The following ZMAT4 variants were observed in gnomAD, a reference collection of about 807,000 sequenced individuals.
ZMAT4 encodes zinc finger matrin-type 4.
Under a neutral mutation model 28.7 loss-of-function variants are expected in ZMAT4, and 17 were observed. The ratio of observed to expected loss-of-function variants is 0.59; its 90% CI spans 0.41 to 0.89. ZMAT4 has a LOEUF of 0.89. ZMAT4 is among the 40% of genes least tolerant of loss of function. ZMAT4 has a pLI of 0.00. For missense variants in ZMAT4, 240 were observed against 283.8 expected (o/e 0.85, Z 1.11); for synonymous variants, 117 against 109.2 (o/e 1.07, Z -0.44).
chr8:40,843,284 A>T (rs1816764219), intron 1 of ZMAT4, among the ~76,000 whole-genome samples: 1 of 152,148 alleles, frequency 6.6e-6, no homozygotes, highest in Admixed American at 6.6e-5. Context: ...TCATTTGGGC[A>T]ACCTCTCCAG....
chr8:40,713,251 G>C (rs1201668051), intron 3 of ZMAT4, among the ~76,000 whole-genome samples: 1 of 151,896 alleles, frequency 6.6e-6, no homozygotes, highest in East Asian at 1.9e-4. Flanking sequence ...AACAATTTGG[G>C]GAAAATAATG....
At chr8:40,598,589 A>G (rs1378107112) in intron 5 of ZMAT4, among the ~76,000 whole-genome samples, 5 of 152,168 alleles carry the variant, frequency 3.3e-5, no homozygotes, top group Non-Finnish European at 7.3e-5. Context: ...TATGTGTGCC[A>G]TATTTTCTTT....
chr8:40,714,085 T>G (rs1810747124), intron 3 of ZMAT4, among the ~76,000 whole-genome samples: 1 of 152,188 alleles, frequency 6.6e-6, no homozygotes, highest in Non-Finnish European at 1.5e-5. Context: ...TTGGAATATT[T>G]TTGAAAAATA....
chr8:40,603,918 T>C (rs1805490418), intron 5 of ZMAT4, among the ~76,000 whole-genome samples: 2 of 152,222 alleles, frequency 1.3e-5, no homozygotes, highest in Non-Finnish European at 2.9e-5. Context: ...GTTTTCCTTG[T>C]AGATGTCTTT....
At position 40,606,522 on chromosome 8, in the gene ZMAT4, A is replaced by G. The variant is rs1365784151; in HGVS notation, c.578-25261T>C. On this transcript the variant is annotated intron_variant, in intron 5 of 6. Coordinates refer to ENST00000297737, the MANE Select transcript of ZMAT4 (RefSeq NM_024645.3). ...AGATAGGACCCCAGTGCCTTCTGGC[A>G]TGCAGGGTTTCTGCTGAAAAATCTG... Among the ~76,000 whole-genome samples, 3 of 152,374 alleles carry G rather than the reference A, an allele frequency of 2.0e-5. No homozygotes were observed. The East Asian group carries it at 5.8e-4, about 29-fold the overall frequency.
intron 1 of ZMAT4, among the ~76,000 whole-genome samples, chr8:40,835,200 C>G (rs1816431879): frequency 6.6e-6 from 1 of 152,020 alleles, no homozygotes; most frequent in African/African-American, 2.4e-5. Context: ...AAAAACAGAG[C>G]CCATATCATG....
In ZMAT4 at chr8:40,678,154, A is replaced by T. The variant is rs1305284049; in HGVS notation, c.350-3223T>A. On this transcript the variant is annotated intron_variant, in intron 4 of 6. Transcript: ENST00000297737. ...TAACTATAAAATGAAGCTTTCTTAG[A>T]TCTTCACATAAAAGAAAGAAGCATA... Among the ~76,000 whole-genome samples, 5 of 152,210 alleles carry T rather than the reference A, an allele frequency of 3.3e-5. No individual in the cohort carries two copies. The South Asian group carries it at 8.3e-4, about 25-fold the overall frequency.
At chr8:40,535,503 T>A (rs561954820) in intron 6 of ZMAT4, among the ~76,000 whole-genome samples, 3 of 152,182 alleles carry the variant, frequency 2.0e-5, no homozygotes, top group African/African-American at 7.2e-5. Flanking sequence ...ACCCTGTCTC[T>A]ACTAAAAATA....
At chr8:40,654,246 A>G (rs920186250) in intron 5 of ZMAT4, among the ~76,000 whole-genome samples, 14 of 152,110 alleles carry the variant, frequency 9.2e-5, no homozygotes, top group Non-Finnish European at 1.6e-4. Context: ...TTACCTATAC[A>G]GTCAAGTCCC....
chr8:40,531,079 T>C lies in ZMAT4; in HGVS notation c.*1144A>G, dbSNP rs1369657140. The C allele has an allele frequency of 6.6e-6, 1 of 152,582 alleles. No homozygotes were observed. The highest frequency in any genetic ancestry group is 1.5e-5 in the Non-Finnish European group (1 of 68,114). 9.5% of individuals were successfully genotyped at this position (152,582 alleles called of 1,614,324 possible). On this transcript the variant is annotated 3_prime_UTR_variant, in exon 7 of 7. Transcript: ENST00000297737. ...GCTGGTCCATGCAGGGCATCGTCAG[T>C]AGAAGCTCAACGTCCCACTTCGTAA...
At chr8:40,672,517 G>A (rs959248544) in intron 5 of ZMAT4, among the ~76,000 whole-genome samples, 4 of 152,122 alleles carry the variant, frequency 2.6e-5, no homozygotes, top group African/African-American at 7.2e-5. Context: ...TTGAGTTATC[G>A]AGTCAAAGCA....
At chr8:40,828,286 C>T (rs1344562205) in intron 1 of ZMAT4, among the ~76,000 whole-genome samples, 4 of 152,168 alleles carry the variant, frequency 2.6e-5, no homozygotes, top group African/African-American at 9.7e-5. Context: ...AGCCAAGCTC[C>T]TATAAGTGGT....
chr8:40,723,855 C>T (rs1013535552), intron 3 of ZMAT4, among the ~76,000 whole-genome samples: 4 of 152,082 alleles, frequency 2.6e-5, no homozygotes, highest in Non-Finnish European at 4.4e-5. Flanking sequence ...GTCCCCTGCC[C>T]CTGTGTGGGT....
chr8:40,537,783 G>A (rs1196674897), intron 6 of ZMAT4, among the ~76,000 whole-genome samples: 1 of 152,130 alleles, frequency 6.6e-6, no homozygotes, highest in Non-Finnish European at 1.5e-5. Flanking sequence ...TTTTACAGAT[G>A]AGGAAACTTG....
intron 1 of ZMAT4, among the ~76,000 whole-genome samples, chr8:40,845,974 T>G (rs898671952): frequency 1.3e-5 from 2 of 152,036 alleles, no homozygotes; most frequent in Non-Finnish European, 2.9e-5. Flanking sequence ...AATCTGTGAA[T>G]CCTGGAATTC....
intron 3 of ZMAT4, among the ~76,000 whole-genome samples, chr8:40,749,730 T>C (rs1812380325): frequency 1.3e-5 from 2 of 152,192 alleles, no homozygotes; most frequent in Non-Finnish European, 2.9e-5. Flanking sequence ...GTGAAAGTTA[T>C]GTTCTTAAAA....
At chr8:40,613,532 AT>A (rs11336539) in intron 5 of ZMAT4, among the ~76,000 whole-genome samples, 20,708 of 151,964 alleles carry the variant, frequency 0.14, 1,929 homozygotes, top group African/African-American at 0.27. Context: ...TTTGTCCAAC[AT>A]TTGTATATTT....
rs1445514480 is a variant in ZMAT4, at chr8:40,531,161, G to A, written c.*1062C>T. ...TGGAAAAGAATTAAACCTAGAGAAA[G>A]AGCCTCATGATCTGCACTCAGACGC... On this transcript the variant is annotated 3_prime_UTR_variant, in exon 7 of 7. Coordinates refer to ENST00000297737, the MANE Select transcript of ZMAT4 (RefSeq NM_024645.3). 1 of 152,206 alleles carries A rather than the reference G, an allele frequency of 6.6e-6. No homozygotes were observed. The highest frequency in any genetic ancestry group is 1.5e-5 in the Non-Finnish European group (1 of 68,086). The allele number at this position is 152,206 out of a possible 1,614,324, so 9.4% of individuals were successfully genotyped here.
intron 3 of ZMAT4, among the ~76,000 whole-genome samples, chr8:40,737,056 G>A (rs1156874934): frequency 1.3e-5 from 2 of 152,196 alleles, no homozygotes; most frequent in African/African-American, 2.4e-5. Context: ...AGGTCTGAAG[G>A]TCAACAGGCT....
Sources: allele counts gnomAD v4.1 joint callset (sites outside exome capture counted in the v4.1 genomes callset), GRCh38; gene constraint gnomAD v4.1.1; transcripts MANE v1.5; gene names NCBI Gene and HGNC (gene_info 2026-07-23, HGNC 2026-07-21).